Variants in CELF2 observed in about 807,000 individuals in gnomAD.
CELF2 encodes CUGBP Elav-like family member 2, also known as CUG triplet repeat RNA-binding protein 2.
Under a neutral mutation model 62.6 loss-of-function variants are expected in CELF2, and 8 were observed. The ratio of observed to expected loss-of-function variants is 0.13; its 90% confidence interval spans 0.07 to 0.23. CELF2 has a LOEUF of 0.23. Among genes scored for constraint, CELF2 ranks in the 10% least tolerant of loss-of-function variants. The probability of loss-of-function intolerance (pLI) is 1.00; values close to 1 mark genes in which losing one functional copy is unlikely to be tolerated. For synonymous variants in CELF2, 258 were observed against 250.0 expected, an observed-to-expected ratio of 1.03 and a Z score of -0.30; for missense variants, 333 against 671.0, an observed-to-expected ratio of 0.50 and a Z score of 5.56.
the CELF2 span, among the ~76,000 whole-genome samples, chr10:10,702,754 T>G: frequency 1.3e-5 from 2 of 152,180 alleles, no homozygotes; most frequent in African/African-American, 4.8e-5. Flanking sequence ...CCAGCTAATT[T>G]TCTGTATTTT....
chr10:11,198,389 T>G (rs2058479749), intron 2 of CELF2, among the ~76,000 whole-genome samples: 1 of 152,192 alleles, frequency 6.6e-6, no homozygotes, highest in East Asian at 1.9e-4. Flanking sequence ...TCAGACCTCC[T>G]AGGAGTCTGG....
the CELF2 span, among the ~76,000 whole-genome samples, chr10:10,542,773 T>C: frequency 6.6e-6 from 1 of 152,200 alleles, no homozygotes; most frequent in Non-Finnish European, 1.5e-5. Context: ...TGACAGGGGT[T>C]ATGATTTGAC....
At chr10:11,252,956 C>A (rs1350135533) in intron 4 of CELF2, among the ~76,000 whole-genome samples, 1 of 152,136 alleles carries the variant, frequency 6.6e-6, no homozygotes, top group African/African-American at 2.4e-5. Context: ...CATAAACGAG[C>A]AGAAACATAC....
the CELF2 span, among the ~76,000 whole-genome samples, chr10:10,606,248 A>G: frequency 6.6e-6 from 1 of 152,296 alleles, no homozygotes; most frequent in East Asian, 1.9e-4. Flanking sequence ...TACTCAAAAA[A>G]ACGTGATTGA....
At chr10:11,167,955 G>A (rs2067715445) in intron 2 of CELF2, among the ~76,000 whole-genome samples, 1 of 152,170 alleles carries the variant, frequency 6.6e-6, no homozygotes. Context: ...TTCGGACATG[G>A]TCCATCTGTC....
chr10:10,772,105 G>C, the CELF2 span, among the ~76,000 whole-genome samples: 2 of 150,872 alleles, frequency 1.3e-5, no homozygotes, highest in Non-Finnish European at 3.0e-5. Flanking sequence ...GTTTGATTTA[G>C]AGGAAAAAAA....
intron 2 of CELF2, among the ~76,000 whole-genome samples, chr10:11,185,415 C>CT (rs1430512238): frequency 1.3e-5 from 2 of 152,098 alleles, no homozygotes; most frequent in African/African-American, 4.8e-5. Flanking sequence ...GATCCCCCCG[C>CT]TGCACCCACT....
chr10:10,824,941 CA>C (rs2057265481), intron 1 of CELF2, among the ~76,000 whole-genome samples: 1 of 152,186 alleles, frequency 6.6e-6, no homozygotes, highest in Admixed American at 6.5e-5. Context: ...TTTCATCAGG[CA>C]GTGACCTTTG....
chr10:10,595,942 G>A, the CELF2 span, among the ~76,000 whole-genome samples: 1 of 152,122 alleles, frequency 6.6e-6, no homozygotes, highest in East Asian at 1.9e-4. Flanking sequence ...ACAGCCCTGA[G>A]CTGTTATGCT....
chr10:10,514,303 A>T, the CELF2 span, among the ~76,000 whole-genome samples: 59 of 151,364 alleles, frequency 3.9e-4, no homozygotes, highest in South Asian at 1.0e-3. Context: ...GATTCATGGA[A>T]TTTTTTTTTT....
Position 11,247,536 on chromosome 10 carries a change from G to A in CELF2, c.355-1617G>A, listed in dbSNP as rs1427719111. Among the ~76,000 whole-genome samples the A allele has an allele frequency of 3.9e-5, 6 of 152,120 alleles. No individual in the cohort carries two copies. Among genetic ancestry groups the A allele is most frequent in the Non-Finnish European group, 5.9e-5 (4 of 68,018 alleles). ...CCACATGCTTGCCAGGGTGCTTACC[G>A]GCTGAGGGCTCAGTGTCTCTCCTGC... On this transcript the variant is annotated intron_variant, in intron 3 of 12. Coordinates refer to ENST00000633077, the MANE Select transcript of CELF2 (RefSeq NM_001326342.2). The surrounding 1 kb of genome is among the most constrained non-coding windows in gnomAD (Gnocchi z 5.4).
chr10:10,712,146 A>AC, the CELF2 span, among the ~76,000 whole-genome samples: 4 of 133,970 alleles, frequency 3.0e-5, no homozygotes, highest in Non-Finnish European at 6.3e-5. Context: ...TAGGATAGAG[A>AC]CAAAAAAAAA....
rs939485013 is a variant in CELF2 at position 10,947,232 on chromosome 10, C to G, written c.89+27233C>G. ...ACACTTACTCTAACCAGTCCTTCAC[C>G]TGCTGCACAAAATCATACCTTTCCA... is the stretch of plus-strand genomic sequence containing the variant. On this transcript the variant is annotated intron_variant, in intron 2 of 13. Transcript: ENST00000636488. The surrounding 1 kb of genome is among the most constrained non-coding windows in gnomAD (Gnocchi z 4.1). The G allele has an allele frequency of 3.3e-5, 5 of 152,510 alleles. No homozygotes were observed. Among genetic ancestry groups the G allele is most frequent in the African/African-American group, 9.6e-5 (4 of 41,580 alleles). The allele number at this position is 152,510 out of a possible 1,614,324, so 9.4% of individuals were successfully genotyped here.
intron 3 of CELF2, among the ~76,000 whole-genome samples, chr10:11,228,575 A>G (rs1385714006): frequency 1.3e-5 from 2 of 152,142 alleles, no homozygotes; most frequent in Admixed American, 1.3e-4. Flanking sequence ...TTACATTGCT[A>G]ATATCTGACT....
At chr10:10,499,543 T>C in the CELF2 span, among the ~76,000 whole-genome samples, 1 of 152,062 alleles carries the variant, frequency 6.6e-6, no homozygotes, top group South Asian at 2.1e-4. Flanking sequence ...AGAATGGCAA[T>C]GTGGAGCTTT....
chr10:11,224,963 A>G lies in CELF2; in HGVS notation c.354+7456A>G, dbSNP rs568312960. Among the ~76,000 whole-genome samples the G allele has an allele frequency of 1.3e-5, 2 of 152,286 alleles. No individual in the cohort carries two copies. Among genetic ancestry groups the G allele is most frequent in the South Asian group, 4.2e-4 (2 of 4,818 alleles). On this transcript the variant is annotated intron_variant, in intron 3 of 12. Transcript: ENST00000633077. This position sits in a 1 kb window ranked among gnomAD's most constrained non-coding sequence, Gnocchi z 4.5. The stretch of plus-strand genomic sequence containing the variant: ...CTGCCGGATATGGTCTGGTTTGTGC[A>G]GGGAAGCGCGCTGGACACTTACAGG...
At chr10:11,198,490 A>G (rs2058499372) in intron 2 of CELF2, among the ~76,000 whole-genome samples, 1 of 152,214 alleles carries the variant, frequency 6.6e-6, no homozygotes, top group Admixed American at 6.5e-5. Flanking sequence ...GTTTGTAGGT[A>G]AACTTGTTTA....
chr10:11,326,966 A>G (rs751616562), intron 12 of CELF2, among the ~76,000 whole-genome samples: 2 of 152,206 alleles, frequency 1.3e-5, no homozygotes, highest in Non-Finnish European at 2.9e-5. Flanking sequence ...TAATCAGGCC[A>G]AAGAGAATGT....
the CELF2 span, among the ~76,000 whole-genome samples, chr10:10,525,474 C>T: frequency 6.6e-6 from 1 of 152,188 alleles, no homozygotes; most frequent in Non-Finnish European, 1.5e-5. Flanking sequence ...AACATCCCTA[C>T]CCTAGACCAA....
Sources: allele counts gnomAD v4.1 joint callset (sites outside exome capture counted in the v4.1 genomes callset), GRCh38; gene constraint gnomAD v4.1.1; non-coding constraint Gnocchi (gnomAD v3.1); transcripts MANE v1.5; gene names NCBI Gene and HGNC (gene_info 2026-07-23, HGNC 2026-07-21).